Variants in ZCCHC17 observed in about 807,000 individuals in gnomAD.
ZCCHC17 encodes zinc finger CCHC domain-containing protein 17.
ZCCHC17 carries 18 observed loss-of-function variants against 30.6 expected under a neutral mutation model. The observed-to-expected ratio is 0.59, with a 90% confidence interval of 0.41 to 0.87. The LOEUF (loss-of-function observed/expected upper bound fraction) is 0.87, where lower values mean the gene tolerates loss of function less well. ZCCHC17 is among the 40% of genes least tolerant of loss of function. The probability of loss-of-function intolerance (pLI) is 0.00; values close to 1 mark genes in which losing one functional copy is unlikely to be tolerated. For missense variants in ZCCHC17, 263 were observed against 284.2 expected (o/e 0.93, Z 0.54); for synonymous variants, 88 against 92.4 (o/e 0.95, Z 0.27).
At chr1:31,310,801 C>T (rs1646582291) in intron 2 of ZCCHC17, among the ~76,000 whole-genome samples, 1 of 152,224 alleles carries the variant, frequency 6.6e-6, no homozygotes, top group Non-Finnish European at 1.5e-5. Flanking sequence ...GATGTTTTCA[C>T]CTCAACAAAT....
intron 5 of ZCCHC17, among the ~76,000 whole-genome samples, chr1:31,345,969 T>C (rs892713525): frequency 2.0e-5 from 3 of 152,006 alleles, no homozygotes; most frequent in Non-Finnish European, 2.9e-5. Context: ...TCAACATATA[T>C]ATTATATTTT....
intron 5 of ZCCHC17, among the ~76,000 whole-genome samples, chr1:31,340,612 C>T (rs1322762440): frequency 2.0e-5 from 3 of 152,294 alleles, no homozygotes; most frequent in South Asian, 4.1e-4. Flanking sequence ...CCACCGCGCC[C>T]GGCCCTTGGA....
chr1:31,343,304 C>A (rs1480595667), intron 5 of ZCCHC17, among the ~76,000 whole-genome samples: 1 of 152,192 alleles, frequency 6.6e-6, no homozygotes, highest in Non-Finnish European at 1.5e-5. Context: ...AAGTAATCCG[C>A]CTGCCTTGGC....
intron 1 of ZCCHC17, among the ~76,000 whole-genome samples, chr1:31,303,502 A>C (rs1326692787): frequency 6.6e-6 from 1 of 152,246 alleles, no homozygotes; most frequent in Non-Finnish European, 1.5e-5. Flanking sequence ...AAAAATCTTG[A>C]CCAGGTCAGT....
At chr1:31,318,335 G>T in intron 2 of ZCCHC17, 1 of 1,023,370 alleles carries the variant, frequency 9.8e-7, no homozygotes, top group East Asian at 2.7e-5. Context: ...TGGGGGATGG[G>T]GTAGGCTACA....
chr1:31,361,865 G>A (rs754051763), intron 7 of ZCCHC17, among the ~76,000 whole-genome samples: 3 of 151,922 alleles, frequency 2.0e-5, no homozygotes, highest in Non-Finnish European at 2.9e-5. Flanking sequence ...AGCCTGGAGT[G>A]CAGTGGCAGG....
intron 5 of ZCCHC17, among the ~76,000 whole-genome samples, chr1:31,340,558 C>G (rs1639011449): frequency 6.6e-6 from 1 of 152,120 alleles, no homozygotes; most frequent in African/African-American, 2.4e-5. Context: ...CTCAGGTGAT[C>G]TGCCCGTCTC....
At chr1:31,320,072 T>TA (rs1262234667) in intron 3 of ZCCHC17, among the ~76,000 whole-genome samples, 3 of 152,024 alleles carry the variant, frequency 2.0e-5, no homozygotes, top group Admixed American at 6.6e-5. Flanking sequence ...ACTCACAGGA[T>TA]AAAAAAATAT....
intron 3 of ZCCHC17, among the ~76,000 whole-genome samples, chr1:31,328,258 A>G (rs1638437900): frequency 6.6e-6 from 1 of 152,182 alleles, no homozygotes; most frequent in Non-Finnish European, 1.5e-5. Flanking sequence ...TCACACATGT[A>G]ATTTCAGCAC....
chr1:31,355,154 G>A (rs1017152917), intron 7 of ZCCHC17, among the ~76,000 whole-genome samples: 59 of 147,674 alleles, frequency 4.0e-4, no homozygotes, highest in African/African-American at 1.4e-3. Flanking sequence ...CAGCCTGGGC[G>A]ACAGAGTGAG....
At chr1:31,301,106 A>C (rs1646300063) in intron 1 of ZCCHC17, among the ~76,000 whole-genome samples, 1 of 152,140 alleles carries the variant, frequency 6.6e-6, no homozygotes, top group African/African-American at 2.4e-5. Flanking sequence ...CAGGTTTATA[A>C]AGTACCTTAT....
At chr1:31,354,945 C>T (rs770536936) in intron 7 of ZCCHC17, among the ~76,000 whole-genome samples, 1 of 152,200 alleles carries the variant, frequency 6.6e-6, no homozygotes, top group Admixed American at 6.5e-5. Context: ...GAGGCCAAGG[C>T]GGGTGGATCA....
chr1:31,351,322 G>A (rs903252980), intron 7 of ZCCHC17, among the ~76,000 whole-genome samples: 2 of 152,124 alleles, frequency 1.3e-5, no homozygotes, highest in Non-Finnish European at 2.9e-5. Context: ...CTACTGTACA[G>A]TTTATCCCCT....
At chr1:31,321,985 A>C (rs893487469) in intron 3 of ZCCHC17, among the ~76,000 whole-genome samples, 1 of 152,236 alleles carries the variant, frequency 6.6e-6, no homozygotes, top group African/African-American at 2.4e-5. Context: ...CCTTGTGGTG[A>C]GGGACCTGTT....
chr1:31,319,565 T>C (rs1385675233), intron 3 of ZCCHC17, among the ~76,000 whole-genome samples: 1 of 152,146 alleles, frequency 6.6e-6, no homozygotes, highest in African/African-American at 2.4e-5. Flanking sequence ...CAAACATATA[T>C]AATATATATA....
At chr1:31,313,405 C>G (rs1207569390) in intron 2 of ZCCHC17, among the ~76,000 whole-genome samples, 2 of 152,130 alleles carry the variant, frequency 1.3e-5, no homozygotes, top group Non-Finnish European at 2.9e-5. Context: ...ATCATTTATA[C>G]TTGATATTCA....
At chr1:31,312,518 A>G (rs150217213) in intron 2 of ZCCHC17, among the ~76,000 whole-genome samples, 2 of 152,002 alleles carry the variant, frequency 1.3e-5, no homozygotes, top group Non-Finnish European at 2.9e-5. Flanking sequence ...TTTGCTTGCT[A>G]TGTGAGCCTT....
At chr1:31,340,614 G>T (rs887255478) in intron 5 of ZCCHC17, among the ~76,000 whole-genome samples, 4 of 152,212 alleles carry the variant, frequency 2.6e-5, no homozygotes, top group African/African-American at 9.6e-5. Context: ...ACCGCGCCCG[G>T]CCCTTGGAGG....
At chr1:31,338,865 A>G (rs1638921905) in intron 4 of ZCCHC17, 92 bp from the exon 5 acceptor site, 1 of 777,166 alleles carries the variant, frequency 1.3e-6, no homozygotes, top group South Asian at 1.8e-5. Context: ...AAGAAGCTCA[A>G]TGTTATGATG....
Sources: gnomAD v4.1 joint callset for allele counts (sites outside exome capture counted in the v4.1 genomes callset) on GRCh38, gnomAD v4.1.1 for gene constraint, MANE v1.5 for transcripts, NCBI Gene and HGNC (gene_info 2026-07-23, HGNC 2026-07-21) for gene names.